The following GRM7 variants were observed in gnomAD, a reference collection of about 807,000 sequenced individuals.
The protein encoded by GRM7 is metabotropic glutamate receptor 7.
GRM7 carries 35 observed loss-of-function variants against 84.5 expected under a neutral mutation model. That is an observed-to-expected ratio of 0.41 (90% CI 0.32 to 0.55). The LOEUF is 0.55. Ranked by LOEUF, GRM7 falls within the 20% of genes least tolerant of loss-of-function variation. GRM7 has a pLI of 0.19. For missense variants in GRM7, 1,003 were observed against 1,194.6 expected (o/e 0.84, Z 2.36); for synonymous variants, 487 against 455.1 (o/e 1.07, Z -0.89).
intron 1 of GRM7, among the ~76,000 whole-genome samples, chr3:6,902,882 C>CACACACA (rs60680312): frequency 6.7e-6 from 1 of 150,284 alleles, no homozygotes; most frequent in African/African-American, 2.5e-5. Context: ...CACACACACA[C>CACACACA]CCCTACTCTA....
intron 2 of GRM7, among the ~76,000 whole-genome samples, chr3:7,246,337 C>G (rs1388837982): frequency 6.6e-6 from 1 of 152,094 alleles, no homozygotes; most frequent in Non-Finnish European, 1.5e-5. Flanking sequence ...TTAGGCTTTC[C>G]TTAGTGAATG....
At chr3:7,468,216 C>G (rs1698541079) in intron 7 of GRM7, among the ~76,000 whole-genome samples, 1 of 152,154 alleles carries the variant, frequency 6.6e-6, no homozygotes. Context: ...GCAATGTTGA[C>G]AAAGAGAAAA....
At position 7,352,055 on chromosome 3, in the gene GRM7, CACCA is replaced by C. The variant is rs1404918668; in HGVS notation, c.1033+45404_1033+45407del. On this transcript the variant is annotated intron_variant, in intron 4 of 9. Transcript: ENST00000357716. ...TCTCTCTCTCTCACACACACACACA[CACCA>C]CACACACACACACACACACACACAC... Among the ~76,000 whole-genome samples, 32 of 99,964 alleles carry C rather than the reference CACCA, an allele frequency of 3.2e-4. No individual in the cohort carries two copies. In the South Asian group the frequency reaches 3.8e-3, roughly 12 times the overall value. 65.6% of individuals were successfully genotyped at this position (99,964 alleles called of 152,430 possible).
At chr3:7,576,842 G>A (rs980509883) in intron 7 of GRM7, among the ~76,000 whole-genome samples, 6 of 137,494 alleles carry the variant, frequency 4.4e-5, no homozygotes, top group East Asian at 2.0e-4. Context: ...ACTCTTGGTC[G>A]CAAGTATTAA....
At chr3:6,986,424 C>CA (rs1394156702) in intron 1 of GRM7, among the ~76,000 whole-genome samples, 1 of 151,948 alleles carries the variant, frequency 6.6e-6, no homozygotes, top group East Asian at 1.9e-4. Context: ...CATTGAAAAA[C>CA]AAAAATGAAA....
chr3:7,108,003 T>G (rs1397755478), intron 1 of GRM7, among the ~76,000 whole-genome samples: 1 of 151,922 alleles, frequency 6.6e-6, no homozygotes, highest in Non-Finnish European at 1.5e-5. Flanking sequence ...GCAGTTTGAG[T>G]GTAAGCAGAA....
intron 9 of GRM7, among the ~76,000 whole-genome samples, chr3:7,685,903 T>C (rs1311763993): frequency 6.6e-6 from 1 of 152,182 alleles, no homozygotes; most frequent in Non-Finnish European, 1.5e-5. Context: ...CTGTGCTGTG[T>C]TAATTTGTTA....
chr3:7,087,331 T>C lies in GRM7; in HGVS notation c.520-59121T>C, dbSNP rs114247228. ...AGTTTTTGGATGCAACTAATGATTA[T>C]ATCTAATTTGTGCCAAGTTCTCTGC... On this transcript the variant is annotated intron_variant, in intron 1 of 9. Transcript: ENST00000357716. 8.5e-3 allele frequency among the ~76,000 whole-genome samples: 1,291 copies of C among 152,226 alleles called. 16 individuals carry two copies. Among genetic ancestry groups the C allele is most frequent in the African/African-American group, 0.029 (1,221 of 41,556 alleles).
chr3:7,211,990 C>T (rs779114807), intron 2 of GRM7, among the ~76,000 whole-genome samples: 3 of 151,754 alleles, frequency 2.0e-5, no homozygotes, highest in Non-Finnish European at 2.9e-5. Flanking sequence ...TTCCCTCAGG[C>T]GTAGCTCTTT....
chr3:6,888,269 C>T (rs1695784135), intron 1 of GRM7, among the ~76,000 whole-genome samples: 1 of 152,120 alleles, frequency 6.6e-6, no homozygotes, highest in Non-Finnish European at 1.5e-5. Context: ...TCTTTTGTTG[C>T]CATTGCTTTT....
intron 1 of GRM7, among the ~76,000 whole-genome samples, chr3:6,910,584 T>C (rs1696733442): frequency 6.6e-6 from 1 of 151,790 alleles, no homozygotes; most frequent in South Asian, 2.1e-4. Flanking sequence ...ATAAAAGGAG[T>C]GTTCTCTTTA....
chr3:7,102,768 A>T (rs927748334), intron 1 of GRM7, among the ~76,000 whole-genome samples: 1 of 151,838 alleles, frequency 6.6e-6, no homozygotes, highest in Non-Finnish European at 1.5e-5. Context: ...TTGACATTGA[A>T]TAAAGTCTAT....
rs17697928 is a variant in GRM7, at chr3:7,326,084, T to A, written c.1033+19432T>A. Among the ~76,000 whole-genome samples, 12 of 136,544 alleles carry A rather than the reference T, an allele frequency of 8.8e-5. No homozygotes were observed. The East Asian group carries it at 2.7e-3, about 31-fold the overall frequency. 89.6% of individuals were successfully genotyped at this position (136,544 alleles called of 152,430 possible). A position where few individuals can be genotyped will look rare whatever the true frequency, so the allele number is the denominator to read the frequency against. On this transcript the variant is annotated intron_variant, in intron 4 of 9. Transcript: ENST00000357716. Reference sequence around the variant, plus strand: ...CCAAAGCATGAACACTACTTGATTCTTGGCAAAGTGAAAAGAGCTTTGAAA... The same window carrying A: ...CCAAAGCATGAACACTACTTGATTCATGGCAAAGTGAAAAGAGCTTTGAAA...
intron 1 of GRM7, among the ~76,000 whole-genome samples, chr3:7,057,318 C>T (rs141329776): frequency 6.6e-6 from 1 of 151,824 alleles, no homozygotes; most frequent in African/African-American, 2.4e-5. Context: ...TTATACATAT[C>T]TTTTGTTTTA....
chr3:7,714,286 C>T (rs73023778), intron 9 of GRM7, among the ~76,000 whole-genome samples: 10,056 of 152,152 alleles, frequency 0.066, 389 homozygotes, highest in South Asian at 0.12. Flanking sequence ...CTTTCCATAT[C>T]TCAAAACAAA....
intron 5 of GRM7, among the ~76,000 whole-genome samples, chr3:7,428,559 C>A (rs1696703226): frequency 6.6e-6 from 1 of 152,124 alleles, no homozygotes; most frequent in African/African-American, 2.4e-5. Flanking sequence ...CTCATGATAT[C>A]ACTTGGGTTG....
chr3:7,664,071 A>G (rs1198840300), intron 8 of GRM7, among the ~76,000 whole-genome samples: 1 of 152,208 alleles, frequency 6.6e-6, no homozygotes, highest in Non-Finnish European at 1.5e-5. Flanking sequence ...TCATTATTAG[A>G]CACCCTATAA....
At chr3:7,198,881 G>C (rs565025062) in intron 2 of GRM7, among the ~76,000 whole-genome samples, 1 of 152,266 alleles carries the variant, frequency 6.6e-6, no homozygotes, top group South Asian at 2.1e-4. Flanking sequence ...CTCCTCAAAA[G>C]GGTGGTGAGG....
At chr3:6,902,503 T>A (rs920067499) in intron 1 of GRM7, among the ~76,000 whole-genome samples, 1 of 152,084 alleles carries the variant, frequency 6.6e-6, no homozygotes, top group African/African-American at 2.4e-5. Flanking sequence ...GTTAAATAAG[T>A]TTAACGTTTA....
Sources: gnomAD v4.1 joint callset for allele counts (sites outside exome capture counted in the v4.1 genomes callset) on GRCh38, gnomAD v4.1.1 for gene constraint, MANE v1.5 for transcripts, NCBI Gene and HGNC (gene_info 2026-07-23, HGNC 2026-07-21) for gene names.